Variants in PAK3 observed in about 807,000 individuals in gnomAD.
The protein encoded by PAK3 is p21 (RAC1) activated kinase 3.
In PAK3, 4 loss-of-function variants were observed where a neutral mutation model predicts 41.0. The observed-to-expected ratio is 0.10, with a 90% CI of 0.05 to 0.22. The LOEUF (loss-of-function observed/expected upper bound fraction) is 0.22. Among genes scored for constraint, PAK3 ranks in the 10% least tolerant of loss-of-function variants. The pLI, the probability that PAK3 is intolerant of heterozygous loss-of-function variation, is 1.00. For synonymous variants in PAK3, 146 were observed against 139.6 expected, an observed-to-expected ratio of 1.05 and a Z score of -0.32; for missense variants, 205 against 409.9, an observed-to-expected ratio of 0.50 and a Z score of 4.32.
At chrX:111,172,086 G>A (rs947355831) in intron 10 of PAK3, among the ~76,000 whole-genome samples, 5 of 111,642 alleles carry the variant, frequency 4.5e-5, no homozygotes, top group Non-Finnish European at 7.5e-5. Context: ...ATATAGCATA[G>A]TGCTTAACTT....
chrX:111,085,337 A>G (rs1461817387), intron 1 of PAK3, among the ~76,000 whole-genome samples: 1 of 112,268 alleles, frequency 8.9e-6, no homozygotes, highest in Non-Finnish European at 1.9e-5. Flanking sequence ...TAAATCAAAA[A>G]GCATAAAAAT....
At chrX:111,069,117 G>A (rs188697572) in intron 1 of PAK3, among the ~76,000 whole-genome samples, 60 of 112,001 alleles carry the variant, frequency 5.4e-4, no homozygotes, top group African/African-American at 1.8e-3. Flanking sequence ...CTTAATGTCA[G>A]TTCTCAGGAG....
At chrX:110,944,752 A>G (rs1243503861) in intron 1 of PAK3, 1 of 112,287 alleles carries the variant, frequency 8.9e-6, no homozygotes, top group Non-Finnish European at 1.9e-5. Context: ...TGCTGTATGA[A>G]TAGATGCAGG....
chrX:111,034,556 T>C (rs905533292), intron 1 of PAK3, among the ~76,000 whole-genome samples: 17 of 111,723 alleles, frequency 1.5e-4, no homozygotes, highest in Admixed American at 1.3e-3. Context: ...CGAACCAGTA[T>C]ATTACAAAGG....
chrX:110,991,143 G>A (rs73264364), intron 1 of PAK3, among the ~76,000 whole-genome samples: 2 of 106,471 alleles, frequency 1.9e-5, no homozygotes, highest in East Asian at 2.9e-4. Flanking sequence ...AAAAAAAAAA[G>A]AAAAGAAAAA....
chrX:111,051,668 A>G (rs1036676411), intron 1 of PAK3, among the ~76,000 whole-genome samples: 2 of 95,223 alleles, frequency 2.1e-5, no homozygotes, highest in Admixed American at 2.5e-4. Flanking sequence ...AGTGGGCCTT[A>G]TGAACAACGT....
At position 110,992,000 on chromosome X, in the gene PAK3, A is replaced by G. The variant is rs2091657637; in HGVS notation, c.-28+47372A>G. 6.3e-5 allele frequency among the ~76,000 whole-genome samples: 7 copies of G among 111,755 alleles called. No homozygotes were observed. The Admixed American group carries it at 6.7e-4, about 11-fold the overall frequency. On this transcript the variant is annotated intron_variant, in intron 1 of 14. Coordinates refer to the PAK3 transcript ENST00000425146. ...ATTGTGTTATGTGATATTAAGTACTATGGAAAATATCTTCAGATGGGGTGA... is the reference window on the plus strand; with the variant it reads ...ATTGTGTTATGTGATATTAAGTACTGTGGAAAATATCTTCAGATGGGGTGA...
intron 1 of PAK3, among the ~76,000 whole-genome samples, chrX:110,951,623 A>G (rs2090747360): frequency 8.9e-6 from 1 of 112,302 alleles, no homozygotes; most frequent in Non-Finnish European, 1.9e-5. Context: ...TTCATATTTG[A>G]CTGGGAGGAA....
In PAK3 at chrX:111,178,980, T is replaced by TAGAGAG. The variant is rs1556239020; in HGVS notation, c.830+5905_830+5910dup. On this transcript the variant is annotated intron_variant, in intron 11 of 17. Transcript: ENST00000372007. The stretch of plus-strand genomic sequence containing the variant: ...TGTTTTATATATATATATATATATA[T>TAGAGAG]AGAGAGAGAGATATCTGTATATCTA... Among the ~76,000 whole-genome samples, 202 of 91,595 alleles carry TAGAGAG rather than the reference T, an allele frequency of 2.2e-3. 2 individuals carry two copies. Among genetic ancestry groups the TAGAGAG allele is most frequent in the African/African-American group, 7.7e-3 (191 of 24,892 alleles). 79.5% of individuals were successfully genotyped at this position (91,595 alleles called of 115,157 possible).
chrX:111,088,728 T>C (rs1230474508), intron 1 of PAK3, among the ~76,000 whole-genome samples: 2 of 112,135 alleles, frequency 1.8e-5, no homozygotes, highest in Non-Finnish European at 3.8e-5. Flanking sequence ...CAGTAATAAA[T>C]ACAAGTAGCA....
intron 4 of PAK3, among the ~76,000 whole-genome samples, chrX:111,114,334 A>G (rs762055235): frequency 5.4e-5 from 6 of 112,078 alleles, no homozygotes; most frequent in Non-Finnish European, 1.1e-4. Flanking sequence ...CCTAGCACAT[A>G]GGCACTGGTA....
intron 1 of PAK3, among the ~76,000 whole-genome samples, chrX:111,024,002 T>G (rs2092232579): frequency 8.9e-6 from 1 of 112,247 alleles, no homozygotes; most frequent in African/African-American, 3.2e-5. Context: ...GCCTAGGTTT[T>G]CTTCTAGGGT....
At chrX:110,967,269 G>T (rs1442179855) in intron 1 of PAK3, among the ~76,000 whole-genome samples, 3 of 113,080 alleles carry the variant, frequency 2.7e-5, no homozygotes, top group Admixed American at 9.3e-5. Flanking sequence ...AGTGCAGAAG[G>T]TCAGAGCTGA....
chrX:111,194,152 C>T, intron 13 of PAK3, 149 bp from the exon 14 acceptor site: 2 of 524,752 alleles, frequency 3.8e-6, no homozygotes, highest in South Asian at 2.7e-5. Flanking sequence ...ATATTATGAT[C>T]ACTTGGAGTA....
upstream of PAK3, among the ~76,000 whole-genome samples, chrX:111,091,700 G>GAGAC (rs1032633875): frequency 8.9e-6 from 1 of 111,813 alleles, no homozygotes; most frequent in Non-Finnish European, 1.9e-5. Context: ...AGAAGAGCTT[G>GAGAC]AGACCCCTAT....
At chrX:111,202,239 C>A (rs968981441) in intron 16 of PAK3, among the ~76,000 whole-genome samples, 7 of 111,571 alleles carry the variant, frequency 6.3e-5, no homozygotes, top group Non-Finnish European at 1.3e-4. Flanking sequence ...TAGAAAGTGG[C>A]TGAGATTTTT....
intron 16 of PAK3, among the ~76,000 whole-genome samples, chrX:111,205,631 T>C (rs957424425): frequency 5.4e-5 from 6 of 111,445 alleles, no homozygotes; most frequent in Admixed American, 1.9e-4. Context: ...CTGATAATAA[T>C]CTTGGGAAGA....
In PAK3 at chrX:111,226,223, T is replaced by C. The variant is rs991219327; in HGVS notation, c.*5776T>C. ...ATGAAGTTCATAATAATAGGGGATG[T>C]TGATAAAACTTGTGGCAGCCTTCCA... On this transcript the variant is annotated 3_prime_UTR_variant, in exon 18 of 18. Transcript: ENST00000372007. 69 of 111,907 alleles carry C rather than the reference T, an allele frequency of 6.2e-4. No individual in the cohort carries two copies. The highest frequency in any genetic ancestry group is 4.6e-3 in the Middle Eastern group (1 of 218). The allele number at this position is 111,907 out of a possible 1,213,427, so 9.2% of individuals were successfully genotyped here.
At chrX:111,037,736 C>T (rs192216713) in intron 1 of PAK3, among the ~76,000 whole-genome samples, 139 of 111,780 alleles carry the variant, frequency 1.2e-3, no homozygotes, top group African/African-American at 2.7e-3. Flanking sequence ...CATGTCTCAT[C>T]ACCTCAGTTA....
Sources: allele counts gnomAD v4.1 joint callset (sites outside exome capture counted in the v4.1 genomes callset), GRCh38; gene constraint gnomAD v4.1.1; transcripts MANE v1.5; gene names NCBI Gene and HGNC (gene_info 2026-07-23, HGNC 2026-07-21).